The following BICC1 variants were observed in gnomAD, a reference collection of about 807,000 sequenced individuals.
BICC1 encodes the protein BicC family RNA binding protein 1.
Under a neutral mutation model 111.0 loss-of-function variants are expected in BICC1, and 43 were observed. The observed-to-expected ratio is 0.39, with a 90% CI of 0.30 to 0.50. The LOEUF (loss-of-function observed/expected upper bound fraction) is 0.50. Among genes scored for constraint, BICC1 ranks in the 20% least tolerant of loss-of-function variants. BICC1 has a pLI of 0.88. For synonymous variants in BICC1, 467 were observed against 434.4 expected (o/e 1.07, Z -0.93); for missense variants, 1,091 against 1,203.2 (o/e 0.91, Z 1.38).
chr10:58,656,004 G>T (rs547434594), intron 2 of BICC1, among the ~76,000 whole-genome samples: 1 of 152,162 alleles, frequency 6.6e-6, no homozygotes, highest in Admixed American at 6.5e-5. Context: ...AATAAAAAAT[G>T]ATAAAGGGGA....
At position 58,829,044 on chromosome 10, in the gene BICC1, A is replaced by G. The variant is rs1844482325; in HGVS notation, c.*153A>G. 8.7e-6 allele frequency: 7 copies of G among 806,354 alleles called. No individual in the cohort carries two copies. Among genetic ancestry groups the G allele is most frequent in the Non-Finnish European group, 1.3e-5 (7 of 530,590 alleles). The allele number at this position is 806,354 out of a possible 1,614,324, so 49.9% of individuals were successfully genotyped here. On this transcript the variant is annotated 3_prime_UTR_variant, in exon 21 of 21. Transcript: ENST00000373886. ...GCACCTGTACTTTATGGCAAAAAGGAAGAAGAGAGAGAAGATGTTCTTATG... is the reference window on the plus strand; with the variant it reads ...GCACCTGTACTTTATGGCAAAAAGGGAGAAGAGAGAGAAGATGTTCTTATG...
intron 1 of BICC1, among the ~76,000 whole-genome samples, chr10:58,570,899 T>C (rs1843928980): frequency 6.6e-6 from 1 of 152,098 alleles, no homozygotes; most frequent in Non-Finnish European, 1.5e-5. Flanking sequence ...TTGAAATCAT[T>C]TCTGTTTGGG....
chr10:58,650,147 G>A (rs1382262943), intron 2 of BICC1: 5 of 152,162 alleles, frequency 3.3e-5, no homozygotes, highest in Admixed American at 2.0e-4. Context: ...CCCTGAAGAA[G>A]TTTGAAAGGA....
At chr10:58,736,377 A>G (rs1431260854) in intron 3 of BICC1, among the ~76,000 whole-genome samples, 1 of 1,702 alleles carries the variant, frequency 5.9e-4, no homozygotes, top group African/African-American at 1.0e-3. Flanking sequence ...TTCTTCTCTC[A>G]GAAAAAACAA....
intron 17 of BICC1, among the ~76,000 whole-genome samples, chr10:58,809,508 G>T (rs570692036): frequency 1.3e-5 from 2 of 152,182 alleles, no homozygotes; most frequent in East Asian, 3.9e-4. Flanking sequence ...CCAAAGTGCT[G>T]GGATTACAGG....
At chr10:58,622,840 A>C (rs184498941) in intron 2 of BICC1, among the ~76,000 whole-genome samples, 2 of 152,226 alleles carry the variant, frequency 1.3e-5, no homozygotes, top group Non-Finnish European at 2.9e-5. Flanking sequence ...CTAGTTTTAC[A>C]TGACATTTTG....
intron 1 of BICC1, among the ~76,000 whole-genome samples, chr10:58,551,665 A>C (rs1370110444): frequency 6.6e-6 from 1 of 152,112 alleles, no homozygotes; most frequent in Non-Finnish European, 1.5e-5. Context: ...CTTCCCACCC[A>C]GCCCCTGGTA....
intron 3 of BICC1, among the ~76,000 whole-genome samples, chr10:58,781,955 C>A (rs1332242046): frequency 6.6e-6 from 1 of 152,068 alleles, no homozygotes; most frequent in Admixed American, 6.6e-5. Context: ...TTTGAAGAAC[C>A]ACTTTCCAAA....
chr10:58,562,733 T>C (rs1365259679), intron 1 of BICC1, among the ~76,000 whole-genome samples: 2 of 124,576 alleles, frequency 1.6e-5, no homozygotes, highest in Non-Finnish European at 3.3e-5. Flanking sequence ...TCTGATTTTA[T>C]GTAGTTTTTG....
chr10:58,717,245 G>C (rs1840774444), intron 3 of BICC1, among the ~76,000 whole-genome samples: 1 of 151,754 alleles, frequency 6.6e-6, no homozygotes, highest in Non-Finnish European at 1.5e-5. Flanking sequence ...ATTTTGTTTA[G>C]GCTACAATGT....
Position 58,806,574 on chromosome 10 carries a change from T to C in BICC1, c.2182-10T>C. The stretch of plus-strand genomic sequence containing the variant: ...ACTGTCAATAAAGGTATTTTCTGTT[T>C]CATTTTCAGGCATTTGACTATGAAC... On this transcript the variant is annotated splice_polypyrimidine_tract_variant and intron_variant, in intron 15 of 20. Transcript: ENST00000373886. The C allele has an allele frequency of 5.6e-6, 9 of 1,612,176 alleles. No individual in the cohort carries two copies. The highest frequency in any genetic ancestry group is 7.6e-6 in the Non-Finnish European group (9 of 1,178,404).
chr10:58,576,598 A>G (rs1217140936), intron 1 of BICC1, among the ~76,000 whole-genome samples: 1 of 152,184 alleles, frequency 6.6e-6, no homozygotes. Context: ...ACTTCAGTTT[A>G]AACTAGAGAA....
intron 2 of BICC1, among the ~76,000 whole-genome samples, chr10:58,656,845 G>A (rs182064383): frequency 4.6e-5 from 7 of 152,142 alleles, no homozygotes; most frequent in South Asian, 4.2e-4. Context: ...CTCTACCAGC[G>A]GAACTTCCGA....
intron 1 of BICC1, among the ~76,000 whole-genome samples, chr10:58,552,880 A>G (rs1047581944): frequency 1.3e-5 from 2 of 152,160 alleles, no homozygotes; most frequent in African/African-American, 2.4e-5. Context: ...TTTCCTCACA[A>G]TGATATTAAA....
chr10:58,578,437 C>T (rs760737640), intron 1 of BICC1, among the ~76,000 whole-genome samples: 12 of 152,122 alleles, frequency 7.9e-5, no homozygotes, highest in Non-Finnish European at 1.3e-4. Flanking sequence ...AGAAAACTTG[C>T]GGGGATGTAT....
At chr10:58,683,933 G>A (rs977255645) in intron 2 of BICC1, among the ~76,000 whole-genome samples, 1 of 152,150 alleles carries the variant, frequency 6.6e-6, no homozygotes, top group Non-Finnish European at 1.5e-5. Context: ...TGGTGAGAGA[G>A]GGCATCCCTG....
In BICC1 at chr10:58,528,460, T is replaced by A. The variant is rs77364044; in HGVS notation, c.190+15127T>A. Among the ~76,000 whole-genome samples the A allele has an allele frequency of 4.1e-3, 628 of 152,078 alleles. 4 individuals carry two copies. Among genetic ancestry groups the A allele is most frequent in the African/African-American group, 0.015 (611 of 41,544 alleles). Reference sequence around the variant, plus strand: ...TTAATATAATTTCAGTTTATTTCATTGCCGACACTGAATTATCTTGTTCTT... The same window carrying A: ...TTAATATAATTTCAGTTTATTTCATAGCCGACACTGAATTATCTTGTTCTT... On this transcript the variant is annotated intron_variant, in intron 1 of 20. Coordinates refer to ENST00000373886, the MANE Select transcript of BICC1 (RefSeq NM_001080512.3).
chr10:58,684,499 T>TAG (rs1564551907), intron 2 of BICC1, among the ~76,000 whole-genome samples: 1 of 152,222 alleles, frequency 6.6e-6, no homozygotes, highest in East Asian at 1.9e-4. Context: ...TGAATCCATC[T>TAG]AGTCTTGGAC....
chr10:58,792,964 C>T (rs1358392693), intron 8 of BICC1, among the ~76,000 whole-genome samples: 1 of 151,994 alleles, frequency 6.6e-6, no homozygotes, highest in Non-Finnish European at 1.5e-5. Flanking sequence ...CTTAAAGGAT[C>T]GTTGGGAGGC....
Sources: allele counts gnomAD v4.1 joint callset (sites outside exome capture counted in the v4.1 genomes callset), GRCh38; gene constraint gnomAD v4.1.1; transcripts MANE v1.5; gene names NCBI Gene and HGNC (gene_info 2026-07-23, HGNC 2026-07-21).